Variants in SLCO1A2 observed in about 807,000 individuals in gnomAD.
SLCO1A2 encodes OATP-1.
Under a neutral mutation model 69.0 loss-of-function variants are expected in SLCO1A2, and 67 were observed. The ratio of observed to expected loss-of-function variants is 0.97; its 90% CI spans 0.80 to 1.19. The LOEUF (loss-of-function observed/expected upper bound fraction) is 1.19, where lower values mean the gene tolerates loss of function less well. Among genes scored for constraint, SLCO1A2 ranks in the 50% most tolerant of loss-of-function variants. The pLI is 0.00. For missense variants in SLCO1A2, 787 were observed against 793.7 expected (o/e 0.99, Z 0.10); for synonymous variants, 260 against 265.9 (o/e 0.98, Z 0.22).
chr12:21,313,123 T>G (rs1293529047), intron 4 of SLCO1A2, among the ~76,000 whole-genome samples: 1 of 152,174 alleles, frequency 6.6e-6, no homozygotes, highest in African/African-American at 2.4e-5. Flanking sequence ...TAAATGGGCA[T>G]AAGTTAGTGG....
intron 2 of SLCO1A2, among the ~76,000 whole-genome samples, chr12:21,349,114 G>T (rs533292693): frequency 4.7e-4 from 72 of 152,242 alleles, no homozygotes; most frequent in African/African-American, 1.7e-3. Context: ...GAGGAGAGAA[G>T]ATCTGTCCCT....
At chr12:21,382,377 T>C (rs1163039433) in intron 1 of SLCO1A2, among the ~76,000 whole-genome samples, 1 of 152,208 alleles carries the variant, frequency 6.6e-6, no homozygotes, top group Non-Finnish European at 1.5e-5. Context: ...CAGTCAGATA[T>C]AATGTACGCT....
In SLCO1A2 at chr12:21,274,484, T is replaced by C; in HGVS notation, c.1778A>G (p.Asp593Gly). The C allele has an allele frequency of 1.2e-6, 2 of 1,608,384 alleles. No individual in the cohort carries two copies. The highest frequency in any genetic ancestry group is 1.7e-6 in the Non-Finnish European group (2 of 1,174,900). ...CGESGACRIY[D>G]STTFRYIYLG... is the part of the protein sequence containing the mutation. ...TTATCTTTACCTGAAGGTGGTGGAA[T>C]CATATATCCTGCATGCCCCTGACTC... Residue 593 changes from aspartate to glycine, a missense_variant, in exon 14 of 15, where the codon GAT becomes GGT. Coordinates refer to ENST00000683939, the MANE Select transcript of SLCO1A2 (RefSeq NM_001386879.1).
chr12:21,275,568 C>A, intron 12 of SLCO1A2, 144 bp from the exon 13 acceptor site: 1 of 827,994 alleles, frequency 1.2e-6, no homozygotes, highest in Non-Finnish European at 1.7e-6. Flanking sequence ...TTATTCAGGG[C>A]TTTATTATCC....
intron 2 of SLCO1A2, among the ~76,000 whole-genome samples, chr12:21,364,925 TGCTC>T (rs1939247370): frequency 6.6e-6 from 1 of 152,212 alleles, no homozygotes; most frequent in South Asian, 2.1e-4. Context: ...GAACATTTCA[TGCTC>T]GTGGATAGGA....
chr12:21,319,506 A>G (rs1951325501), intron 2 of SLCO1A2: 13 of 1,340,340 alleles, frequency 9.7e-6, no homozygotes, highest in Non-Finnish European at 1.2e-5. Context: ...ATGCTCTGCA[A>G]CCCTTGAGCT....
At chr12:21,391,011 T>A (rs749891705) in intron 1 of SLCO1A2, among the ~76,000 whole-genome samples, 2 of 152,174 alleles carry the variant, frequency 1.3e-5, no homozygotes, top group Non-Finnish European at 2.9e-5. Context: ...GTGGGACATG[T>A]CTTTGAACAC....
intron 1 of SLCO1A2, among the ~76,000 whole-genome samples, chr12:21,393,069 C>A (rs772850347): frequency 2.0e-5 from 3 of 152,094 alleles, no homozygotes; most frequent in Non-Finnish European, 4.4e-5. Context: ...TCACATGAGA[C>A]CATATTTCTC....
intron 2 of SLCO1A2, among the ~76,000 whole-genome samples, chr12:21,354,112 T>C (rs1428129252): frequency 1.3e-5 from 2 of 152,184 alleles, no homozygotes; most frequent in African/African-American, 4.8e-5. Context: ...ATTCATGACA[T>C]AAAACAGATT....
intron 2 of SLCO1A2, chr12:21,373,417 T>C (rs62871062): frequency 3.4e-5 from 55 of 1,612,240 alleles, no homozygotes; most frequent in Non-Finnish European, 4.3e-5. Context: ...ATCTGAAAGC[T>C]ACACCCATTG....
intron 4 of SLCO1A2, among the ~76,000 whole-genome samples, chr12:21,308,705 T>A (rs113449898): frequency 6.6e-6 from 1 of 152,210 alleles, no homozygotes; most frequent in South Asian, 2.1e-4. Context: ...AAGGAACAGA[T>A]TGAAGAATTC....
intron 7 of SLCO1A2, 36 bp downstream of exon 7, chr12:21,301,135 G>T: frequency 7.2e-7 from 1 of 1,396,230 alleles, no homozygotes; most frequent in Non-Finnish European, 1.0e-6. Context: ...GCTTTGTATA[G>T]TCTAGACACT....
At chr12:21,410,662 T>C (rs1480242543) in intron 1 of SLCO1A2, among the ~76,000 whole-genome samples, 1 of 152,188 alleles carries the variant, frequency 6.6e-6, no homozygotes, top group Non-Finnish European at 1.5e-5. Context: ...AATGCTCAAC[T>C]CTAAGAGGCA....
intron 4 of SLCO1A2, among the ~76,000 whole-genome samples, chr12:21,313,986 A>T (rs1047555095): frequency 0.015 from 2,264 of 151,218 alleles, 50 homozygotes; most frequent in African/African-American, 0.052. Context: ...AAATAATAAA[A>T]AAAAAAAACA....
At chr12:21,338,118 C>A (rs1316121380), upstream of SLCO1A2, among the ~76,000 whole-genome samples, 1 of 151,982 alleles carries the variant, frequency 6.6e-6, no homozygotes, top group East Asian at 1.9e-4. Flanking sequence ...TCATCAATGT[C>A]ACACACCATA....
chr12:21,363,456 A>C (rs1939101629), intron 2 of SLCO1A2, among the ~76,000 whole-genome samples: 1 of 152,230 alleles, frequency 6.6e-6, no homozygotes, highest in Non-Finnish European at 1.5e-5. Context: ...GAGATCTTAA[A>C]TTGACACCCT....
At chr12:21,403,926 GAC>G (rs1246932671) in intron 1 of SLCO1A2, among the ~76,000 whole-genome samples, 1 of 152,000 alleles carries the variant, frequency 6.6e-6, no homozygotes, top group Non-Finnish European at 1.5e-5. Context: ...TGAGTAAACT[GAC>G]ACACATATAT....
chr12:21,326,571 G>A (rs1032564386), intron 2 of SLCO1A2, among the ~76,000 whole-genome samples: 9 of 152,184 alleles, frequency 5.9e-5, no homozygotes. Flanking sequence ...AGTCCAGACT[G>A]AGGTGTTCTC....
chr12:21,370,701 TGTAGGTAATAAGCAA>T (rs1939722263), intron 2 of SLCO1A2, among the ~76,000 whole-genome samples: 3 of 152,268 alleles, frequency 2.0e-5, no homozygotes, highest in Non-Finnish European at 2.9e-5. Context: ...TAAATAACAA[TGTAGGTAATAAGCAA>T]GTATTTTTGT....
Sources: gnomAD v4.1 joint callset for allele counts (sites outside exome capture counted in the v4.1 genomes callset) on GRCh38, gnomAD v4.1.1 for gene constraint, MANE v1.5 for transcripts, NCBI Gene and HGNC (gene_info 2026-07-23, HGNC 2026-07-21) for gene names.